Variants in PPP4R2 observed in about 807,000 individuals in gnomAD.
PPP4R2 encodes serine/threonine-protein phosphatase 4 regulatory subunit 2.
Under a neutral mutation model 47.2 loss-of-function variants are expected in PPP4R2, and 13 were observed. The ratio of observed to expected loss-of-function variants is 0.28; its 90% CI spans 0.18 to 0.44. PPP4R2 has a LOEUF of 0.44. PPP4R2 is among the 20% of genes least tolerant of loss of function. PPP4R2 has a pLI of 1.00. For missense variants in PPP4R2, 421 were observed against 491.2 expected (o/e 0.86, Z 1.35); for synonymous variants, 151 against 163.3 (o/e 0.92, Z 0.57).
At chr3:73,055,646 C>A (rs977414532) in intron 3 of PPP4R2, among the ~76,000 whole-genome samples, 11 of 146,780 alleles carry the variant, frequency 7.5e-5, no homozygotes, top group Non-Finnish European at 1.3e-4. Flanking sequence ...GATGATATAT[C>A]ATTGCAGAGT....
Position 72,996,858 on chromosome 3 carries a change from C to G in PPP4R2, c.-180C>G. 1 of 409,948 alleles carries G rather than the reference C, an allele frequency of 2.4e-6. No homozygotes were observed. The highest frequency in any genetic ancestry group is 4.3e-6 in the Non-Finnish European group (1 of 230,418). The allele number at this position is 409,948 out of a possible 1,614,324, so 25.4% of individuals were successfully genotyped here. ...TGGTAGCGGCTTGGGGAGGTGCTCG[C>G]TCTGTCGGTCTTGCTCTCTCGCACG... is the stretch of plus-strand genomic sequence containing the variant. On this transcript the variant is annotated 5_prime_UTR_variant, in exon 1 of 9. Coordinates refer to ENST00000356692, the MANE Select transcript of PPP4R2 (RefSeq NM_174907.4).
intron 2 of PPP4R2, among the ~76,000 whole-genome samples, chr3:73,007,162 A>C (rs982120980): frequency 1.3e-5 from 2 of 152,178 alleles, no homozygotes; most frequent in Non-Finnish European, 2.9e-5. Flanking sequence ...AGTACCTTGA[A>C]GTGTGGGCAG....
At chr3:73,054,487 C>T (rs1449522718) in intron 3 of PPP4R2, among the ~76,000 whole-genome samples, 2 of 152,082 alleles carry the variant, frequency 1.3e-5, no homozygotes, top group East Asian at 3.8e-4. Context: ...TGTTAGTTTC[C>T]ATGTTGACAG....
chr3:73,010,466 T>C (rs925176365), intron 2 of PPP4R2, among the ~76,000 whole-genome samples: 1 of 152,208 alleles, frequency 6.6e-6, no homozygotes, highest in African/African-American at 2.4e-5. Flanking sequence ...AGTATCTCTC[T>C]TGTCTCTATG....
At chr3:73,006,009 C>T (rs1049531583) in intron 2 of PPP4R2, among the ~76,000 whole-genome samples, 3 of 152,038 alleles carry the variant, frequency 2.0e-5, no homozygotes, top group African/African-American at 7.2e-5. Context: ...CCATTGTAAT[C>T]TTCCCTCCCT....
intron 4 of PPP4R2, among the ~76,000 whole-genome samples, chr3:73,060,745 G>T (rs1186813978): frequency 1.3e-5 from 2 of 152,050 alleles, no homozygotes; most frequent in African/African-American, 4.8e-5. Flanking sequence ...ACTACGTATA[G>T]TGTATGATGT....
At position 73,065,505 on chromosome 3, in the gene PPP4R2, T is replaced by TGGA; in HGVS notation, c.1041_1043dup (p.Glu348dup). ...GAGACTTCTGAGGAAAATAATCAAATGGAGGAATCTGATGTGTCTCAAGCT... is the reference window on the plus strand; with the variant it reads ...GAGACTTCTGAGGAAAATAATCAAATGGAGGAGGAATCTGATGTGTCTCAAGCT... On this transcript the variant is annotated inframe_insertion, in exon 9 of 9. Transcript: ENST00000356692. 6.2e-7 allele frequency: 1 copy of TGGA among 1,611,826 alleles called. No individual in the cohort carries two copies. Among genetic ancestry groups the TGGA allele is most frequent in the Non-Finnish European group, 8.5e-7 (1 of 1,179,704 alleles).
chr3:73,031,949 G>T (rs931766514), intron 2 of PPP4R2, among the ~76,000 whole-genome samples: 11 of 152,316 alleles, frequency 7.2e-5, no homozygotes, highest in Admixed American at 3.3e-4. Flanking sequence ...TACAGCAACA[G>T]AACTAAATAT....
At position 73,068,273 on chromosome 3, in the gene PPP4R2, A is replaced by G. The variant is rs937542304; in HGVS notation, c.*2551A>G. The stretch of plus-strand genomic sequence containing the variant: ...AGAATGGAGACCTCAGTGATTAAAG[A>G]TATTTTGTTTCTGACCTTGAGCAGA... On this transcript the variant is annotated 3_prime_UTR_variant, in exon 9 of 9. Transcript: ENST00000356692. 6.6e-6 allele frequency: 1 copy of G among 152,136 alleles called. No individual in the cohort carries two copies. The highest frequency in any genetic ancestry group is 1.5e-5 in the Non-Finnish European group (1 of 68,038). 9.4% of individuals were successfully genotyped at this position (152,136 alleles called of 1,614,324 possible).
At chr3:73,049,356 G>A (rs1249096441) in intron 3 of PPP4R2, among the ~76,000 whole-genome samples, 2 of 151,982 alleles carry the variant, frequency 1.3e-5, no homozygotes, top group African/African-American at 4.8e-5. Context: ...AAAATCAGCT[G>A]GGCGTTGTCG....
At chr3:73,055,057 T>C (rs928521619) in intron 3 of PPP4R2, among the ~76,000 whole-genome samples, 2 of 152,166 alleles carry the variant, frequency 1.3e-5, no homozygotes, top group African/African-American at 4.8e-5. Context: ...TTAAGATATA[T>C]AAGGTAAAAT....
chr3:73,063,638 TA>T, intron 5 of PPP4R2, 34 bp from the exon 6 acceptor site: 1 of 1,313,308 alleles, frequency 7.6e-7, no homozygotes, highest in Middle Eastern at 2.4e-4. Context: ...AAAAAAAAAT[TA>T]AGTCATCCAC....
At position 73,051,543 on chromosome 3, in the gene PPP4R2, A is replaced by G. The variant is rs78667150; in HGVS notation, c.287+4187A>G. Among the ~76,000 whole-genome samples the G allele has an allele frequency of 6.9e-3, 1,058 of 152,288 alleles. 10 individuals are homozygous for G. Among genetic ancestry groups the G allele is most frequent in the African/African-American group, 0.024 (994 of 41,566 alleles). On this transcript the variant is annotated intron_variant, in intron 3 of 8. Coordinates refer to ENST00000356692, the MANE Select transcript of PPP4R2 (RefSeq NM_174907.4). ...TGCTTTTAGTTTGTAAAAGTTTTAT[A>G]TTAAATGCTTCCTAGTATTTTGCCG... is the stretch of plus-strand genomic sequence containing the variant.
At chr3:73,062,709 A>G in intron 5 of PPP4R2, 1 of 1,614,000 alleles carries the variant, frequency 6.2e-7, no homozygotes, top group Non-Finnish European at 8.5e-7. Context: ...CCAAGTTCAG[A>G]GACGATTCAA....
At chr3:73,047,820 C>T (rs1702516212) in intron 3 of PPP4R2, among the ~76,000 whole-genome samples, 1 of 152,150 alleles carries the variant, frequency 6.6e-6, no homozygotes, top group African/African-American at 2.4e-5. Flanking sequence ...GCTTGTAAAA[C>T]ATTAAAAACA....
chr3:73,035,331 C>T (rs1472920572), intron 2 of PPP4R2, among the ~76,000 whole-genome samples: 2 of 152,024 alleles, frequency 1.3e-5, no homozygotes, highest in Admixed American at 1.3e-4. Flanking sequence ...GCCGAGGAGG[C>T]AGAGGTTGCA....
intron 4 of PPP4R2, among the ~76,000 whole-genome samples, 160 bp from the exon 5 acceptor site, chr3:73,060,863 T>C (rs1702843740): frequency 5.3e-5 from 8 of 152,208 alleles, no homozygotes; most frequent in Admixed American, 5.2e-4. Flanking sequence ...TTTTAGTTTT[T>C]GCTGTTTCAC....
chr3:73,037,677 C>T (rs1268457820), intron 2 of PPP4R2, among the ~76,000 whole-genome samples: 2 of 152,160 alleles, frequency 1.3e-5, no homozygotes, highest in Non-Finnish European at 2.9e-5. Context: ...ACACCTGCTT[C>T]TTGGCTTTAC....
In PPP4R2 at chr3:73,065,474, A is replaced by G; in HGVS notation, c.1006A>G (p.Asn336Asp). Residue 336 changes from asparagine to aspartate, a missense_variant, in exon 9 of 9, where the codon AAT becomes GAT. By Grantham distance (23) the Asn-to-Asp change is conservative. Around this residue, in one of 2 missense-constraint regions of PPP4R2, gnomAD observed 317 missense variants for 287.5 expected, o/e 1.10. Transcript: ENST00000356692. ...AGAATCTGATGATGCCTTAACTGTG[A>G]ATGAAGAGACTTCTGAGGAAAATAA... ...EKESDDALTVNEETSEENNQM... is the reference protein window; with the variant it reads ...EKESDDALTVDEETSEENNQM... 4 of 1,611,812 alleles carry G rather than the reference A, an allele frequency of 2.5e-6. No homozygotes were observed. The highest frequency in any genetic ancestry group is 3.4e-6 in the Non-Finnish European group (4 of 1,179,702).
Sources: allele counts gnomAD v4.1 joint callset (sites outside exome capture counted in the v4.1 genomes callset), GRCh38; gene constraint gnomAD v4.1.1; regional missense constraint gnomAD v4.1.1; transcripts MANE v1.5; gene names NCBI Gene and HGNC (gene_info 2026-07-23, HGNC 2026-07-21).